The following STRADA variants were observed in gnomAD, a reference collection of about 807,000 sequenced individuals.
The protein encoded by STRADA is STE20-related kinase adapter protein alpha.
STRADA carries 26 observed loss-of-function variants against 55.0 expected under a neutral mutation model. The observed-to-expected ratio is 0.47, with a 90% CI of 0.35 to 0.66. The LOEUF is 0.66. Ranked by LOEUF, STRADA falls within the 30% of genes least tolerant of loss-of-function variation. STRADA has a pLI of 0.01. For missense variants in STRADA, 443 were observed against 549.7 expected (o/e 0.81, Z 1.94); for synonymous variants, 197 against 210.9 (o/e 0.93, Z 0.57).
At chr17:63,704,852 C>G in intron 10 of STRADA, 1 of 1,535,974 alleles carries the variant, frequency 6.5e-7, no homozygotes, top group Non-Finnish European at 8.7e-7. Flanking sequence ...GCAGGGCTCA[C>G]AGTTTCCGCT....
intron 1 of STRADA, among the ~76,000 whole-genome samples, chr17:63,731,201 C>G (rs8079161): frequency 0.32 from 47,714 of 149,708 alleles, 8,328 homozygotes; most frequent in South Asian, 0.58. Flanking sequence ...CTCGGGCCTT[C>G]CAAAGTGCTG....
chr17:63,708,430 C>A (rs1341790133), intron 8 of STRADA, among the ~76,000 whole-genome samples: 1 of 151,752 alleles, frequency 6.6e-6, no homozygotes, highest in Non-Finnish European at 1.5e-5. Context: ...GAACTCCTGA[C>A]CTCAAGAGAT....
Position 63,703,567 on chromosome 17 carries a change from C to G in STRADA, c.*32G>C. 5 of 1,596,882 alleles carry G rather than the reference C, an allele frequency of 3.1e-6. No homozygotes were observed. The highest frequency in any genetic ancestry group is 4.3e-6 in the Non-Finnish European group (5 of 1,170,056). On this transcript the variant is annotated 3_prime_UTR_variant, in exon 13 of 13. Transcript: ENST00000336174. ...GGGCCTCTGGGTGGCCTCTGCATCC[C>G]TGGCTGGAGAATGCGCACAGTTTGC... is the stretch of plus-strand genomic sequence containing the variant.
upstream of STRADA, chr17:63,741,933 C>CGCGGCTGCGGCAGGCCCTA (rs1242833333): frequency 6.6e-6 from 1 of 152,268 alleles, no homozygotes; most frequent in Admixed American, 6.5e-5. Context: ...TCCGAGTGGC[C>CGCGGCTGCGGCAGGCCCTA]GCGGCTGCGG....
At chr17:63,704,630 G>GGT in intron 10 of STRADA, 48 bp from the exon 11 acceptor site, 6 of 874,404 alleles carry the variant, frequency 6.9e-6, no homozygotes, top group Non-Finnish European at 1.7e-6. Flanking sequence ...TGGGGGGGGG[G>GGT]GGTGGTCCCT....
chr17:63,704,102 C>T (rs1278530337), intron 11 of STRADA, 55 bp from the exon 12 acceptor site: 66 of 1,594,572 alleles, frequency 4.1e-5, no homozygotes, highest in South Asian at 1.1e-4. Flanking sequence ...CCCAGCTTCC[C>T]GAAATCCTGC....
At position 63,728,338 on chromosome 17, in the gene STRADA, A is replaced by C. The variant is rs377651050; in HGVS notation, c.32T>G (p.Ile11Ser). 4.0e-5 allele frequency: 64 copies of C among 1,613,356 alleles called. No individual in the cohort carries two copies. The East Asian group carries it at 7.1e-4, about 18-fold the overall frequency. ...GAAGAATAGAAAAACACTCACCCTG[A>C]TTCGCTCTGGTTTACTTACAAGAAA... MSFLVSKPER[I>S]RRWVSEKFIV... The change falls in exon 2 of 13, where the codon ATC (isoleucine) becomes AGC (serine). Residue 11 changes from isoleucine (I) to serine (S), a missense_variant. Physicochemically the swap from Ile to Ser is moderately radical, Grantham distance 142. Coordinates refer to ENST00000336174, the MANE Select transcript of STRADA (RefSeq NM_001003787.4).
At chr17:63,740,147 T>TATATACAC (rs1401201419) in intron 1 of STRADA, among the ~76,000 whole-genome samples, 24 of 66,996 alleles carry the variant, frequency 3.6e-4, no homozygotes, top group African/African-American at 1.6e-3. Flanking sequence ...TATATATATA[T>TATATACAC]ACACACACAC....
At chr17:63,732,611 C>T (rs2038146989) in intron 1 of STRADA, among the ~76,000 whole-genome samples, 1 of 152,126 alleles carries the variant, frequency 6.6e-6, no homozygotes, top group South Asian at 2.1e-4. Flanking sequence ...GTGTGGGCAA[C>T]ATGGCGAAAG....
intron 9 of STRADA, 118 bp downstream of exon 9, chr17:63,707,128 CT>C: frequency 7.5e-7 from 1 of 1,339,124 alleles, no homozygotes; most frequent in Non-Finnish European, 1.0e-6. Flanking sequence ...GGCTCCCTCC[CT>C]CCAGGAACCC....
Position 63,728,330 on chromosome 17 carries a change from T to C in STRADA, c.36+4A>G. ...TAAAGCCAGAAGAATAGAAAAACAC[T>C]CACCCTGATTCGCTCTGGTTTACTT... On this transcript the variant is annotated splice_donor_region_variant and intron_variant, in intron 2 of 12. Coordinates refer to ENST00000336174, the MANE Select transcript of STRADA (RefSeq NM_001003787.4). 1.2e-6 allele frequency: 2 copies of C among 1,613,256 alleles called. No individual in the cohort carries two copies. The highest frequency in any genetic ancestry group is 1.7e-6 in the Non-Finnish European group (2 of 1,179,694).
At chr17:63,714,384 G>C (rs758799547) in intron 4 of STRADA, 19 of 371,558 alleles carry the variant, frequency 5.1e-5, no homozygotes, top group African/African-American at 8.4e-5. Flanking sequence ...AACAATCAAT[G>C]CATTTGCTAA....
intron 1 of STRADA, chr17:63,737,257 A>AAAAAAAAAAG (rs2038511569): frequency 1.5e-5 from 1 of 66,444 alleles, no homozygotes; most frequent in Non-Finnish European, 3.3e-5. Context: ...TCAAAAAAAA[A>AAAAAAAAAAG]AAAAAAAAAA....
At chr17:63,706,598 A>G (rs1389465450) in intron 10 of STRADA, 37 bp downstream of exon 10, 1 of 1,497,636 alleles carries the variant, frequency 6.7e-7, no homozygotes, top group Non-Finnish European at 9.3e-7. Context: ...GTGGAAGGCA[A>G]GCAGGCAAGA....
intron 4 of STRADA, among the ~76,000 whole-genome samples, chr17:63,716,259 CTAAGT>C (rs2036875723): frequency 6.6e-6 from 1 of 151,996 alleles, no homozygotes; most frequent in African/African-American, 2.4e-5. Context: ...CCATGCCTGG[CTAAGT>C]TTTGTATTTT....
chr17:63,719,486 CTTTTTTT>C (rs1342178523), intron 4 of STRADA, among the ~76,000 whole-genome samples: 1 of 144,744 alleles, frequency 6.9e-6, no homozygotes. Context: ...ATAGATACTA[CTTTTTTT>C]TTTTTTTTGA....
chr17:63,705,716 C>A (rs1345280694), intron 10 of STRADA: 3 of 152,368 alleles, frequency 2.0e-5, no homozygotes, highest in African/African-American at 7.2e-5. Context: ...AGCACTGCAC[C>A]TTGGCCATTT....
chr17:63,728,463 G>T, intron 1 of STRADA, 50 bp from the exon 2 acceptor site: 1 of 1,056,342 alleles, frequency 9.5e-7, no homozygotes, highest in Non-Finnish European at 1.4e-6. Context: ...TCCTTATAGA[G>T]AAATATCTTC....
At chr17:63,719,486 C>CTTT (rs1342178523) in intron 4 of STRADA, among the ~76,000 whole-genome samples, 1 of 144,742 alleles carries the variant, frequency 6.9e-6, no homozygotes, top group Non-Finnish European at 1.5e-5. Flanking sequence ...ATAGATACTA[C>CTTT]TTTTTTTTTT....
Sources: allele counts gnomAD v4.1 joint callset (sites outside exome capture counted in the v4.1 genomes callset), GRCh38; gene constraint gnomAD v4.1.1; transcripts MANE v1.5; gene names NCBI Gene and HGNC (gene_info 2026-07-23, HGNC 2026-07-21).